Variants in NCKAP5 observed in about 807,000 individuals in gnomAD.
NCKAP5 encodes nck-associated protein 5.
Under a neutral mutation model 167.0 loss-of-function variants are expected in NCKAP5, and 92 were observed. That is an observed-to-expected ratio of 0.55 (90% CI 0.47 to 0.66). The LOEUF is 0.66. NCKAP5 is among the 30% of genes least tolerant of loss of function. The pLI, the probability that NCKAP5 is intolerant of heterozygous loss-of-function variation, is 0.00. For missense variants in NCKAP5, 2,378 were observed against 2,315.0 expected (o/e 1.03, Z -0.56); for synonymous variants, 891 against 877.4 (o/e 1.02, Z -0.27).
intron 2 of NCKAP5, among the ~76,000 whole-genome samples, chr2:133,531,333 A>G (rs951663070): frequency 6.6e-6 from 1 of 152,108 alleles, no homozygotes; most frequent in South Asian, 2.1e-4. Context: ...TTTGGGCATA[A>G]TTTCTTTAGA....
intron 3 of NCKAP5, among the ~76,000 whole-genome samples, chr2:133,486,225 A>G (rs1333172584): frequency 2.6e-5 from 4 of 152,224 alleles, no homozygotes; most frequent in Non-Finnish European, 4.4e-5. Context: ...CAGAAAGCCA[A>G]GTTGCCAGTG....
intron 3 of NCKAP5, among the ~76,000 whole-genome samples, chr2:133,492,036 T>C (rs1399754014): frequency 6.6e-6 from 1 of 152,106 alleles, no homozygotes; most frequent in Non-Finnish European, 1.5e-5. Flanking sequence ...AGCTCTTCTG[T>C]AAGGCCTTCC....
intron 19 of NCKAP5, among the ~76,000 whole-genome samples, chr2:132,721,102 G>T (rs1419095756): frequency 2.6e-5 from 4 of 151,908 alleles, no homozygotes; most frequent in Non-Finnish European, 4.4e-5. Flanking sequence ...GAGGTCAGGA[G>T]TTCAAGACCA....
chr2:132,912,590 C>A (rs575600103), intron 8 of NCKAP5, among the ~76,000 whole-genome samples: 52 of 152,304 alleles, frequency 3.4e-4, no homozygotes, highest in African/African-American at 1.2e-3. Context: ...CTTCTTTAAG[C>A]CTTCCTTCCT....
At chr2:133,639,441 A>C in the NCKAP5 span, among the ~76,000 whole-genome samples, 1 of 152,180 alleles carries the variant, frequency 6.6e-6, no homozygotes, top group Non-Finnish European at 1.5e-5. Flanking sequence ...CTACTATGAC[A>C]CTATCTGGAT....
At chr2:132,747,623 G>A (rs1479484579) in intron 16 of NCKAP5, among the ~76,000 whole-genome samples, 21 of 152,176 alleles carry the variant, frequency 1.4e-4, no homozygotes, top group Admixed American at 1.4e-3. Context: ...GGGCATCTAA[G>A]GAGCAGAGCC....
chr2:132,948,347 C>T (rs527944424), intron 8 of NCKAP5, among the ~76,000 whole-genome samples: 1 of 152,212 alleles, frequency 6.6e-6, no homozygotes, highest in African/African-American at 2.4e-5. Flanking sequence ...GTGCAGAGAA[C>T]AGCTGGCAGC....
chr2:133,548,532 G>T (rs55675555), intron 2 of NCKAP5, among the ~76,000 whole-genome samples: 13,252 of 150,880 alleles, frequency 0.088, 989 homozygotes, highest in African/African-American at 0.2. Flanking sequence ...CGGATCTCTC[G>T]GCAGAAACCC....
At chr2:133,016,122 C>G (rs1211217077) in intron 6 of NCKAP5, among the ~76,000 whole-genome samples, 1 of 152,092 alleles carries the variant, frequency 6.6e-6, no homozygotes, top group Non-Finnish European at 1.5e-5. Flanking sequence ...CAAATTTGCT[C>G]TTGAATTTAG....
At chr2:132,932,069 G>C (rs1024491184) in intron 8 of NCKAP5, among the ~76,000 whole-genome samples, 9 of 152,140 alleles carry the variant, frequency 5.9e-5, no homozygotes, top group Admixed American at 2.0e-4. Flanking sequence ...CACTCAGGGC[G>C]CTCCTCACTG....
intron 5 of NCKAP5, among the ~76,000 whole-genome samples, chr2:133,203,834 A>G (rs2085819771): frequency 6.6e-6 from 1 of 152,226 alleles, no homozygotes; most frequent in Non-Finnish European, 1.5e-5. Flanking sequence ...AACTTTTGAA[A>G]GATAGTTTAA....
At chr2:133,028,999 G>T (rs1363986618) in intron 6 of NCKAP5, among the ~76,000 whole-genome samples, 1 of 152,248 alleles carries the variant, frequency 6.6e-6, no homozygotes, top group African/African-American at 2.4e-5. Context: ...GAAGCTTCCT[G>T]AGGCCTCCCC....
the NCKAP5 span, among the ~76,000 whole-genome samples, chr2:133,648,035 T>C: frequency 6.6e-6 from 1 of 152,094 alleles, no homozygotes; most frequent in South Asian, 2.1e-4. Flanking sequence ...GAAAGTCAAA[T>C]GATGGAAAAA....
the NCKAP5 span, among the ~76,000 whole-genome samples, chr2:133,648,549 C>A: frequency 6.6e-6 from 1 of 151,924 alleles, no homozygotes; most frequent in African/African-American, 2.4e-5. Flanking sequence ...TGAAGTCATA[C>A]CAAATATCTT....
chr2:132,788,758 T>G (rs1321512591), intron 13 of NCKAP5, among the ~76,000 whole-genome samples: 25 of 152,234 alleles, frequency 1.6e-4, no homozygotes. Flanking sequence ...AAAAGCACAA[T>G]CAATAATATA....
At chr2:133,520,697 A>C (rs1472757830) in intron 2 of NCKAP5, among the ~76,000 whole-genome samples, 1 of 152,208 alleles carries the variant, frequency 6.6e-6, no homozygotes, top group Non-Finnish European at 1.5e-5. Context: ...GATAGTTCTC[A>C]AATAGTCCAA....
chr2:133,377,796 G>C (rs1211134641), intron 3 of NCKAP5, among the ~76,000 whole-genome samples: 1 of 152,188 alleles, frequency 6.6e-6, no homozygotes, highest in East Asian at 1.9e-4. Flanking sequence ...AAGGAAGTAA[G>C]AACTGGGCTC....
intron 4 of NCKAP5, among the ~76,000 whole-genome samples, chr2:133,222,483 T>C (rs2086697716): frequency 1.3e-5 from 2 of 152,232 alleles, no homozygotes; most frequent in Admixed American, 1.3e-4. Context: ...GGCAAACCAC[T>C]GTATACTCAT....
the NCKAP5 span, among the ~76,000 whole-genome samples, chr2:133,663,426 G>A: frequency 6.6e-5 from 10 of 152,094 alleles, no homozygotes; most frequent in South Asian, 2.1e-3. Flanking sequence ...GTTAAAATAA[G>A]AAAAAAATAA....
Sources: allele counts gnomAD v4.1 joint callset (sites outside exome capture counted in the v4.1 genomes callset), GRCh38; gene constraint gnomAD v4.1.1; transcripts MANE v1.5; gene names NCBI Gene and HGNC (gene_info 2026-07-23, HGNC 2026-07-21).